Variants in DRICH1 observed in about 807,000 individuals in gnomAD.
DRICH1 encodes aspartate-rich protein 1.
In DRICH1, 38 loss-of-function variants were observed where a neutral mutation model predicts 39.5. The observed-to-expected ratio is 0.96, with a 90% confidence interval of 0.74 to 1.26. The LOEUF (loss-of-function observed/expected upper bound fraction) is 1.26. Ranked by LOEUF, DRICH1 falls within the 50% of genes most tolerant of loss-of-function variation. DRICH1 has a pLI of 0.00. For missense variants in DRICH1, 279 were observed against 270.4 expected (o/e 1.03, Z -0.22); for synonymous variants, 84 against 99.5 (o/e 0.84, Z 0.93).
At chr22:23,621,673 G>T (rs572222558) in intron 4 of DRICH1, among the ~76,000 whole-genome samples, 2 of 152,072 alleles carry the variant, frequency 1.3e-5, no homozygotes, top group African/African-American at 2.4e-5. Flanking sequence ...CAGCACTTTC[G>T]GAAGCCGAGG....
At position 23,613,638 on chromosome 22, in the gene DRICH1, C is replaced by G; in HGVS notation, c.643+1G>C. On this transcript the variant is annotated splice_donor_variant, in intron 10 of 11. Coordinates refer to ENST00000317749, the MANE Select transcript of DRICH1 (RefSeq NM_016449.4). LOFTEE classifies it high-confidence loss of function. ...GAAGTGAGTTATCTCATGGTACATA[C>G]CACTTTCTATCCGAGCTGTTATCTG... The G allele has an allele frequency of 6.2e-7, 1 of 1,604,998 alleles. No homozygotes were observed. The highest frequency in any genetic ancestry group is 1.7e-5 in the Admixed American group (1 of 59,786).
Position 23,616,857 on chromosome 22 carries a change from G to T in DRICH1, c.537C>A (p.Val179=), listed in dbSNP as rs747611486. The T allele has an allele frequency of 1.2e-6, 2 of 1,614,040 alleles. No homozygotes were observed. Among genetic ancestry groups the T allele is most frequent in the Non-Finnish European group, 1.7e-6 (2 of 1,179,918 alleles). ...DDDAQILPSP[V]QACSEDSLFL... ...GAGTTAGTTCAAGGTACATACCCTGGACAGGTGACGGTAAAATCTGCAATG... is the reference window on the plus strand; with the variant it reads ...GAGTTAGTTCAAGGTACATACCCTGTACAGGTGACGGTAAAATCTGCAATG... Residue 179 remains valine, a synonymous_variant, in exon 8 of 12, where the codon GTC becomes GTA. Transcript: ENST00000317749.
Position 23,627,141 on chromosome 22 carries a change from C to T in DRICH1, c.209-1093G>A, listed in dbSNP as rs9624235. 6.2e-3 allele frequency among the ~76,000 whole-genome samples: 916 copies of T among 147,912 alleles called. 11 individuals are homozygous for T. The highest frequency in any genetic ancestry group is 0.022 in the African/African-American group (869 of 39,770). On this transcript the variant is annotated intron_variant, in intron 1 of 11. Coordinates refer to ENST00000317749, the MANE Select transcript of DRICH1 (RefSeq NM_016449.4). ...AGGCTGGAGTACAATGGCATGATCT[C>T]GGCTCACTGCAACCTCTGCCTCCCA... is the stretch of plus-strand genomic sequence containing the variant.
chr22:23,592,667 G>A, the DRICH1 span, among the ~76,000 whole-genome samples: 88 of 152,176 alleles, frequency 5.8e-4, no homozygotes, highest in South Asian at 2.1e-4. Flanking sequence ...CCTCTGGGGC[G>A]GGCCACTAAT....
chr22:23,586,237 C>G, the DRICH1 span, among the ~76,000 whole-genome samples: 4 of 152,214 alleles, frequency 2.6e-5, no homozygotes, highest in Non-Finnish European at 5.9e-5. Context: ...GCCTGTAATC[C>G]TATCACTTTG....
intron 1 of DRICH1, among the ~76,000 whole-genome samples, chr22:23,628,409 A>T (rs1038484769): frequency 8.8e-4 from 134 of 152,310 alleles, no homozygotes; most frequent in African/African-American, 3.1e-3. Context: ...TCTGCTACAA[A>T]TATAAAAATT....
intron 3 of DRICH1, among the ~76,000 whole-genome samples, chr22:23,623,012 A>T (rs1927855261): frequency 6.6e-6 from 1 of 152,240 alleles, no homozygotes; most frequent in African/African-American, 2.4e-5. Flanking sequence ...CAAATTCATT[A>T]AAAAATGTCC....
At chr22:23,606,465 C>A (rs1424838883), downstream of DRICH1, among the ~76,000 whole-genome samples, 1 of 152,196 alleles carries the variant, frequency 6.6e-6, no homozygotes, top group Non-Finnish European at 1.5e-5. Context: ...TATGGCTTCC[C>A]ATTGGCGTCG....
At chr22:23,629,951 A>G (rs1928291712) in intron 1 of DRICH1, among the ~76,000 whole-genome samples, 1 of 152,056 alleles carries the variant, frequency 6.6e-6, no homozygotes, top group African/African-American at 2.4e-5. Context: ...TGAGGTACTC[A>G]TGTTACTAAA....
At chr22:23,628,825 C>T (rs560667419) in intron 1 of DRICH1, among the ~76,000 whole-genome samples, 24 of 152,152 alleles carry the variant, frequency 1.6e-4, no homozygotes, top group Admixed American at 2.6e-4. Context: ...CCACCAATTT[C>T]TGCCAGTGTC....
chr22:23,596,250 T>C, the DRICH1 span, among the ~76,000 whole-genome samples: 92 of 152,092 alleles, frequency 6.0e-4, 2 homozygotes, highest in African/African-American at 2.2e-3. Context: ...GGGGTGCAGT[T>C]CAAAGGTTGT....
chr22:23,624,643 G>A (rs558481599), intron 3 of DRICH1, among the ~76,000 whole-genome samples: 3 of 152,236 alleles, frequency 2.0e-5, no homozygotes, highest in Admixed American at 6.5e-5. Context: ...GGATAAGTCA[G>A]TGAGAGGTGC....
chr22:23,593,704 C>CAGA, the DRICH1 span, among the ~76,000 whole-genome samples: 119,556 of 151,766 alleles, frequency 0.79, 47,074 homozygotes, highest in African/African-American at 0.81. Flanking sequence ...GAGGCTGAGG[C>CAGA]AGAACTGCTT....
the DRICH1 span, among the ~76,000 whole-genome samples, chr22:23,587,449 A>G: frequency 0.28 from 42,991 of 152,036 alleles, 6,402 homozygotes; most frequent in Middle Eastern, 0.37. Flanking sequence ...CAAAATTCGA[A>G]GGGAGAGAGA....
chr22:23,615,930 A>G (rs1008870965), intron 8 of DRICH1, among the ~76,000 whole-genome samples: 2 of 152,222 alleles, frequency 1.3e-5, no homozygotes, highest in African/African-American at 4.8e-5. Context: ...AAATGATGGT[A>G]AAACTGCATA....
Position 23,632,201 on chromosome 22 carries a change from G to C in DRICH1, c.-178C>G. On this transcript the variant is annotated 5_prime_UTR_variant, in exon 1 of 12. Coordinates refer to ENST00000317749, the MANE Select transcript of DRICH1 (RefSeq NM_016449.4). ...ACCTCCCAAACTAGCTGGTCTATGAGGTCAGGGACCTGCTGTCTTCTTTGA... is the reference window on the plus strand; with the variant it reads ...ACCTCCCAAACTAGCTGGTCTATGACGTCAGGGACCTGCTGTCTTCTTTGA... 9.9e-7 allele frequency: 1 copy of C among 1,013,438 alleles called. No homozygotes were observed. Among genetic ancestry groups the C allele is most frequent in the Non-Finnish European group, 1.4e-6 (1 of 710,042 alleles). The allele number at this position is 1,013,438 out of a possible 1,614,324, so 62.8% of individuals were successfully genotyped here. A position where few individuals can be genotyped will look rare whatever the true frequency, so the allele number is the denominator to read the frequency against.
the DRICH1 span, among the ~76,000 whole-genome samples, chr22:23,581,914 A>G: frequency 7.0e-6 from 1 of 143,380 alleles, no homozygotes. Flanking sequence ...CATCTTGACC[A>G]TTTTTAAGTA....
chr22:23,624,748 A>AT lies in DRICH1; in HGVS notation c.298+134dup, dbSNP rs1927957863. On this transcript the variant is annotated intron_variant, in intron 3 of 11. Coordinates refer to ENST00000317749, the MANE Select transcript of DRICH1 (RefSeq NM_016449.4). ...ACACATTTCTACATCCTCTCTGCTC[A>AT]TAATTATACACTCGCAGAATCATTT... is the stretch of plus-strand genomic sequence containing the variant. 3.5e-6 allele frequency: 4 copies of AT among 1,128,878 alleles called. No individual in the cohort carries two copies. In the Admixed American group the frequency reaches 7.7e-5, roughly 22 times the overall value. The allele number at this position is 1,128,878 out of a possible 1,614,324, so 69.9% of individuals were successfully genotyped here. A position where few individuals can be genotyped will look rare whatever the true frequency, so the allele number is the denominator to read the frequency against.
At chr22:23,603,871 G>A (rs187862574), downstream of DRICH1, among the ~76,000 whole-genome samples, 125 of 152,254 alleles carry the variant, frequency 8.2e-4, 1 homozygote, top group African/African-American at 2.5e-3. Context: ...TGGGGGAGAC[G>A]AAGCCAAGCC....
Sources: gnomAD v4.1 joint callset for allele counts (sites outside exome capture counted in the v4.1 genomes callset) on GRCh38, gnomAD v4.1.1 for gene constraint, MANE v1.5 for transcripts, NCBI Gene and HGNC (gene_info 2026-07-23, HGNC 2026-07-21) for gene names.